The following OSTN variants were observed in gnomAD, a reference collection of about 807,000 sequenced individuals.
OSTN encodes osteocrin.
OSTN carries 9 observed loss-of-function variants against 12.0 expected under a neutral mutation model. The observed-to-expected ratio is 0.75, with a 90% CI of 0.45 to 1.30. OSTN has a LOEUF of 1.30. Among genes scored for constraint, OSTN ranks in the 50% most tolerant of loss-of-function variants. OSTN has a pLI of 0.00. For synonymous variants in OSTN, 59 were observed against 56.9 expected (o/e 1.04, Z -0.16); for missense variants, 148 against 152.3 (o/e 0.97, Z 0.15).
chr3:191,235,770 G>A (rs1225268437), intron 3 of OSTN, among the ~76,000 whole-genome samples: 1 of 152,118 alleles, frequency 6.6e-6, no homozygotes, highest in Non-Finnish European at 1.5e-5. Flanking sequence ...AATTGACCCA[G>A]GCTGACTCTC....
At chr3:191,216,809 C>T (rs1350171132) in intron 2 of OSTN, among the ~76,000 whole-genome samples, 2 of 152,220 alleles carry the variant, frequency 1.3e-5, no homozygotes, top group African/African-American at 2.4e-5. Context: ...AAACTATCAG[C>T]ATTTTGGTAA....
rs976019076 is a variant in OSTN at position 191,265,380 on chromosome 3, T to G, written c.*2527T>G. ...AAAAGGATGTTAGTTACTGGCTATG[T>G]TGTCCTAAAATTTACACACACTAAA... On this transcript the variant is annotated 3_prime_UTR_variant, in exon 5 of 5. Coordinates refer to ENST00000682035, the MANE Select transcript of OSTN (RefSeq NM_198184.2). The G allele has an allele frequency of 6.6e-6, 1 of 152,202 alleles. No individual in the cohort carries two copies. The highest frequency in any genetic ancestry group is 2.4e-5 in the African/African-American group (1 of 41,464). 9.4% of individuals were successfully genotyped at this position (152,202 alleles called of 1,614,324 possible).
intron 3 of OSTN, among the ~76,000 whole-genome samples, chr3:191,246,116 G>A (rs1312593185): frequency 1.4e-5 from 2 of 145,180 alleles, no homozygotes; most frequent in African/African-American, 5.1e-5. Context: ...ATTTTTTCAT[G>A]ACATCATCTA....
At chr3:191,201,945 A>G (rs1714160647) in intron 1 of OSTN, among the ~76,000 whole-genome samples, 1 of 152,208 alleles carries the variant, frequency 6.6e-6, no homozygotes, top group East Asian at 1.9e-4. Context: ...CTTCATACTA[A>G]GCCTACAAAT....
intron 4 of OSTN, among the ~76,000 whole-genome samples, chr3:191,253,809 TC>T (rs1715615136): frequency 6.6e-6 from 1 of 152,184 alleles, no homozygotes; most frequent in African/African-American, 2.4e-5. Flanking sequence ...GATGCAAATT[TC>T]CCCCACAGAA....
chr3:191,214,072 T>C (rs762464884), intron 2 of OSTN, among the ~76,000 whole-genome samples: 1 of 152,186 alleles, frequency 6.6e-6, no homozygotes, highest in Non-Finnish European at 1.5e-5. Flanking sequence ...TTTCTTTTTA[T>C]ATGACAAAAG....
chr3:191,230,154 A>G (rs1196700619), intron 3 of OSTN, among the ~76,000 whole-genome samples: 1 of 152,180 alleles, frequency 6.6e-6, no homozygotes, highest in Non-Finnish European at 1.5e-5. Flanking sequence ...ACATTTTCAA[A>G]TTCAGTAATT....
intron 4 of OSTN, among the ~76,000 whole-genome samples, chr3:191,257,672 G>T (rs987268223): frequency 6.6e-5 from 10 of 152,050 alleles, no homozygotes; most frequent in African/African-American, 2.2e-4. Flanking sequence ...CAATTTTTTG[G>T]CCATAAACCT....
At chr3:191,224,588 A>G (rs887176320) in intron 3 of OSTN, among the ~76,000 whole-genome samples, 1 of 152,114 alleles carries the variant, frequency 6.6e-6, no homozygotes, top group Non-Finnish European at 1.5e-5. Context: ...AAAATTTACC[A>G]TATCTTAGGT....
chr3:191,260,613 AC>A (rs1715784784), intron 4 of OSTN, among the ~76,000 whole-genome samples: 1 of 151,430 alleles, frequency 6.6e-6, no homozygotes, highest in African/African-American at 2.4e-5. Flanking sequence ...CTTATGACAA[AC>A]CCCCGCCCCC....
intron 3 of OSTN, among the ~76,000 whole-genome samples, chr3:191,235,630 A>G (rs1373110235): frequency 6.6e-6 from 1 of 152,194 alleles, no homozygotes; most frequent in Admixed American, 6.5e-5. Flanking sequence ...CTCTTCTGGC[A>G]GATCTGCTAT....
rs1715881821 is a variant in OSTN, at chr3:191,264,692, T to G, written c.*1839T>G. The G allele has an allele frequency of 6.6e-6, 1 of 152,164 alleles. No individual in the cohort carries two copies. The highest frequency in any genetic ancestry group is 2.1e-4 in the South Asian group (1 of 4,834). The allele number at this position is 152,164 out of a possible 1,614,324, so 9.4% of individuals were successfully genotyped here. A position where few individuals can be genotyped will look rare whatever the true frequency, so the allele number is the denominator to read the frequency against. ...TGTGATGAACTATAGAAATGTTTCC[T>G]ATTGCTTAGAAGCTCTTTCTTTCCT... On this transcript the variant is annotated 3_prime_UTR_variant, in exon 5 of 5. Coordinates refer to ENST00000682035, the MANE Select transcript of OSTN (RefSeq NM_198184.2).
At chr3:191,243,954 C>A (rs1013376302) in intron 3 of OSTN, among the ~76,000 whole-genome samples, 6 of 151,976 alleles carry the variant, frequency 3.9e-5, no homozygotes, top group Non-Finnish European at 7.4e-5. Flanking sequence ...AATTATTAGA[C>A]CAAAATTTAG....
intron 3 of OSTN, among the ~76,000 whole-genome samples, chr3:191,224,356 A>G (rs1206203836): frequency 6.6e-6 from 1 of 151,578 alleles, no homozygotes. Context: ...AGCCTGGGCA[A>G]CAAGAGTGAA....
At chr3:191,238,510 A>T (rs1715251491) in intron 3 of OSTN, among the ~76,000 whole-genome samples, 1 of 152,222 alleles carries the variant, frequency 6.6e-6, no homozygotes, top group African/African-American at 2.4e-5. Flanking sequence ...TAAAGTAAAC[A>T]TGTGAAAAGA....
intron 1 of OSTN, among the ~76,000 whole-genome samples, chr3:191,207,187 G>T (rs1242109754): frequency 1.3e-5 from 2 of 152,168 alleles, no homozygotes; most frequent in South Asian, 2.1e-4. Context: ...TTAAATTTTT[G>T]TTCAAAGGAG....
At chr3:191,235,543 A>G (rs768569329) in intron 3 of OSTN, among the ~76,000 whole-genome samples, 3 of 152,176 alleles carry the variant, frequency 2.0e-5, no homozygotes, top group African/African-American at 4.8e-5. Flanking sequence ...AAGCTGACTC[A>G]TCTTGGAATG....
intron 3 of OSTN, among the ~76,000 whole-genome samples, chr3:191,221,692 T>C (rs1256563770): frequency 6.6e-6 from 1 of 151,840 alleles, no homozygotes; most frequent in African/African-American, 2.4e-5. Flanking sequence ...GTTTGAAAAA[T>C]TTGCAGCCTG....
At chr3:191,231,326 A>G in intron 3 of OSTN, among the ~76,000 whole-genome samples, 1 of 152,050 alleles carries the variant, frequency 6.6e-6, no homozygotes, top group Admixed American at 6.6e-5. Flanking sequence ...TCTGTTACCA[A>G]GGCTTCAGCG....
Sources: gnomAD v4.1 joint callset for allele counts (sites outside exome capture counted in the v4.1 genomes callset) on GRCh38, gnomAD v4.1.1 for gene constraint, MANE v1.5 for transcripts, NCBI Gene and HGNC (gene_info 2026-07-23, HGNC 2026-07-21) for gene names.